The following PIBF1 variants were observed in gnomAD, a reference collection of about 807,000 sequenced individuals.
The protein encoded by PIBF1 is progesterone-induced-blocking factor 1.
PIBF1 carries 90 observed loss-of-function variants against 112.5 expected under a neutral mutation model. The ratio of observed to expected loss-of-function variants is 0.80; its 90% CI spans 0.67 to 0.95. The LOEUF is 0.95. Ranked by LOEUF, PIBF1 falls within the 40% of genes least tolerant of loss-of-function variation. The pLI, the probability that PIBF1 is intolerant of heterozygous loss-of-function variation, is 0.00. For synonymous variants in PIBF1, 301 were observed against 288.6 expected (o/e 1.04, Z -0.44); for missense variants, 915 against 852.3 (o/e 1.07, Z -0.92).
At chr13:72,806,753 A>G (rs974266324) in intron 5 of PIBF1, among the ~76,000 whole-genome samples, 3 of 152,028 alleles carry the variant, frequency 2.0e-5, no homozygotes, top group South Asian at 2.1e-4. Context: ...GTGCCACAGT[A>G]TCTAGTCTAT....
At chr13:72,866,218 A>C (rs1273027106) in intron 10 of PIBF1, among the ~76,000 whole-genome samples, 2 of 152,164 alleles carry the variant, frequency 1.3e-5, no homozygotes, top group African/African-American at 2.4e-5. Flanking sequence ...CTCTCATCTC[A>C]AGATGCTTAA....
chr13:72,835,114 TAGTTA>T (rs1325211824), intron 8 of PIBF1, 124 bp from the exon 9 acceptor site: 4 of 489,454 alleles, frequency 8.2e-6, no homozygotes, highest in African/African-American at 8.0e-5. Flanking sequence ...ATACTATTAA[TAGTTA>T]AGTTTTTCAG....
At chr13:72,810,440 A>G (rs1017719114) in intron 5 of PIBF1, among the ~76,000 whole-genome samples, 2 of 152,230 alleles carry the variant, frequency 1.3e-5, no homozygotes, top group Non-Finnish European at 2.9e-5. Flanking sequence ...TGTCAAGAGT[A>G]CTTCCTTGTT....
intron 13 of PIBF1, among the ~76,000 whole-genome samples, chr13:72,924,790 T>G (rs1352030061): frequency 6.6e-6 from 1 of 152,102 alleles, no homozygotes; most frequent in Non-Finnish European, 1.5e-5. Context: ...GGGATAAGAC[T>G]CCTGTCATTT....
chr13:72,791,556 A>T (rs1041005414), intron 2 of PIBF1, among the ~76,000 whole-genome samples: 1 of 152,202 alleles, frequency 6.6e-6, no homozygotes, highest in Non-Finnish European at 1.5e-5. Flanking sequence ...ATCAAGAAAT[A>T]CCACTGTATT....
At chr13:72,827,612 C>G in intron 7 of PIBF1, 121 bp from the exon 8 acceptor site, 3 of 592,228 alleles carry the variant, frequency 5.1e-6, no homozygotes, top group Non-Finnish European at 8.2e-6. Flanking sequence ...AGAATTAGCC[C>G]TTTTTAAAAG....
chr13:72,895,899 G>A (rs2040263752), intron 11 of PIBF1, among the ~76,000 whole-genome samples: 1 of 152,122 alleles, frequency 6.6e-6, no homozygotes, highest in Non-Finnish European at 1.5e-5. Context: ...ACTCACTCTG[G>A]GCCTGGAAAC....
At chr13:72,989,845 G>A (rs557747729) in intron 16 of PIBF1, among the ~76,000 whole-genome samples, 1 of 152,124 alleles carries the variant, frequency 6.6e-6, no homozygotes, top group Non-Finnish European at 1.5e-5. Context: ...AAGTTGCGCA[G>A]TGGAAAGTGG....
chr13:72,922,659 A>G (rs75319662), intron 13 of PIBF1, among the ~76,000 whole-genome samples: 18,154 of 152,170 alleles, frequency 0.12, 1,450 homozygotes, highest in Non-Finnish European at 0.17. Context: ...AGTTTACTGA[A>G]CTTCATAATA....
At chr13:72,992,894 GA>G (rs780711783) in intron 16 of PIBF1, among the ~76,000 whole-genome samples, 13 of 151,882 alleles carry the variant, frequency 8.6e-5, no homozygotes, top group Non-Finnish European at 1.8e-4. Flanking sequence ...AAAACTATCA[GA>G]AACTGGAAGA....
In PIBF1 at chr13:72,782,355, T is replaced by A. The variant is rs887721296; in HGVS notation, c.-48+6T>A. 6.5e-6 allele frequency: 1 copy of A among 152,858 alleles called. No homozygotes were observed. The highest frequency in any genetic ancestry group is 1.5e-5 in the Non-Finnish European group (1 of 68,452). 9.5% of individuals were successfully genotyped at this position (152,858 alleles called of 1,614,324 possible). On this transcript the variant is annotated splice_donor_region_variant and intron_variant, in intron 1 of 17. Transcript: ENST00000326291. Reference sequence around the variant, plus strand: ...GAGTAATTGACACTTTCGAGGTAACTTGCGACTATCATCGCTTTCTTTCCC... The same window carrying A: ...GAGTAATTGACACTTTCGAGGTAACATGCGACTATCATCGCTTTCTTTCCC...
intron 9 of PIBF1, among the ~76,000 whole-genome samples, chr13:72,841,847 A>G (rs532710918): frequency 5.9e-4 from 90 of 152,170 alleles, no homozygotes; most frequent in Non-Finnish European, 1.1e-3. Flanking sequence ...ATATGCAAAA[A>G]GTACATTATA....
chr13:72,810,557 G>A (rs2035958982), intron 5 of PIBF1, among the ~76,000 whole-genome samples: 1 of 152,122 alleles, frequency 6.6e-6, no homozygotes, highest in Non-Finnish European at 1.5e-5. Context: ...ATGAAAATGA[G>A]TTATTTCATT....
At chr13:72,814,141 A>G (rs1325312158) in intron 5 of PIBF1, among the ~76,000 whole-genome samples, 1 of 152,168 alleles carries the variant, frequency 6.6e-6, no homozygotes, top group Non-Finnish European at 1.5e-5. Context: ...GAAAATTGAT[A>G]AAGATTGAAA....
intron 14 of PIBF1, among the ~76,000 whole-genome samples, chr13:72,945,040 C>CCCCTCT (rs1164026818): frequency 1.3e-5 from 2 of 152,050 alleles, no homozygotes; most frequent in Non-Finnish European, 2.9e-5. Flanking sequence ...AACCCTTGGC[C>CCCCTCT]CCCTCTCCCT....
intron 14 of PIBF1, among the ~76,000 whole-genome samples, chr13:72,954,346 C>T (rs941814565): frequency 2.0e-5 from 3 of 152,204 alleles, no homozygotes; most frequent in African/African-American, 7.2e-5. Flanking sequence ...GCAGGGGCGC[C>T]CAACTTCTGC....
At chr13:72,869,074 T>G (rs1052695604) in intron 10 of PIBF1, among the ~76,000 whole-genome samples, 1 of 152,084 alleles carries the variant, frequency 6.6e-6, no homozygotes, top group Non-Finnish European at 1.5e-5. Flanking sequence ...CTCAGGGATC[T>G]AGAAGTAGAA....
intron 15 of PIBF1, among the ~76,000 whole-genome samples, chr13:72,972,406 A>G (rs1194497426): frequency 6.6e-6 from 1 of 152,158 alleles, no homozygotes; most frequent in African/African-American, 2.4e-5. Flanking sequence ...GCTCACGCCT[A>G]TAATCCCAGC....
chr13:72,832,215 C>G (rs1458968354), intron 8 of PIBF1, among the ~76,000 whole-genome samples: 1 of 150,850 alleles, frequency 6.6e-6, no homozygotes, highest in Admixed American at 6.7e-5. Context: ...CTTGACTCTT[C>G]ATCCGATTTG....
Sources: allele counts gnomAD v4.1 joint callset (sites outside exome capture counted in the v4.1 genomes callset), GRCh38; gene constraint gnomAD v4.1.1; transcripts MANE v1.5; gene names NCBI Gene and HGNC (gene_info 2026-07-23, HGNC 2026-07-21).